Variants in USP32 observed in about 807,000 individuals in gnomAD.
The protein encoded by USP32 is ubiquitin specific peptidase 32.
USP32 carries 59 observed loss-of-function variants against 204.8 expected under a neutral mutation model. The ratio of observed to expected loss-of-function variants is 0.29; its 90% CI spans 0.23 to 0.36. USP32 has a LOEUF of 0.36. Ranked by LOEUF, USP32 falls within the 10% of genes least tolerant of loss-of-function variation. The pLI is 1.00. For missense variants in USP32, 1,160 were observed against 1,946.4 expected (o/e 0.60, Z 7.60); for synonymous variants, 517 against 678.4 (o/e 0.76, Z 3.70).
At chr17:60,379,923 T>TA (rs34849024) in intron 1 of USP32, among the ~76,000 whole-genome samples, 1 of 152,154 alleles carries the variant, frequency 6.6e-6, no homozygotes, top group African/African-American at 2.4e-5. Context: ...AATGTGGTTT[T>TA]AAAAAAAGGT....
At position 60,306,407 on chromosome 17, in the gene USP32, G is replaced by C. The variant is rs150958664; in HGVS notation, c.187-4703C>G. ...AATCCCAGCACTTTGGAAAGCCGAG[G>C]GGGGTGGATCATTTGAGGTCAGGAG... On this transcript the variant is annotated intron_variant, in intron 2 of 33. Coordinates refer to ENST00000300896, the MANE Select transcript of USP32 (RefSeq NM_032582.4). 6.3e-4 allele frequency among the ~76,000 whole-genome samples: 96 copies of C among 152,324 alleles called. No homozygotes were observed. In the Middle Eastern group the frequency reaches 0.037, roughly 59 times the overall value.
chr17:60,286,819 TAAAG>T (rs1184494014), intron 5 of USP32, among the ~76,000 whole-genome samples: 1 of 152,136 alleles, frequency 6.6e-6, no homozygotes, highest in Non-Finnish European at 1.5e-5. Flanking sequence ...ACAGGGGAAC[TAAAG>T]ACTCAATGCT....
At chr17:60,287,888 T>C (rs544331038) in intron 5 of USP32, among the ~76,000 whole-genome samples, 3 of 151,496 alleles carry the variant, frequency 2.0e-5, no homozygotes, top group East Asian at 3.9e-4. Context: ...CCGAGGCGTG[T>C]GGATCACGAG....
At chr17:60,361,618 C>T (rs1298323269) in intron 1 of USP32, among the ~76,000 whole-genome samples, 1 of 152,150 alleles carries the variant, frequency 6.6e-6, no homozygotes, top group African/African-American at 2.4e-5. Context: ...TTGTGCTTTT[C>T]CTAGCCTCTT....
intron 13 of USP32, among the ~76,000 whole-genome samples, chr17:60,224,042 C>T (rs768061653): frequency 2.0e-5 from 3 of 152,158 alleles, no homozygotes; most frequent in Non-Finnish European, 4.4e-5. Flanking sequence ...GGGCTAGATC[C>T]TATTGTATCT....
At chr17:60,306,511 G>A (rs1456562850) in intron 2 of USP32, among the ~76,000 whole-genome samples, 9 of 151,936 alleles carry the variant, frequency 5.9e-5, no homozygotes, top group Admixed American at 3.9e-4. Flanking sequence ...TGTGGTGGGC[G>A]CCTATAATCC....
intron 5 of USP32, among the ~76,000 whole-genome samples, chr17:60,286,412 T>A (rs971272130): frequency 1.3e-5 from 2 of 152,264 alleles, no homozygotes; most frequent in South Asian, 4.1e-4. Flanking sequence ...GAGAAGGCCA[T>A]GTGAAGACAG....
At chr17:60,252,710 G>A (rs2086199431) in intron 10 of USP32, among the ~76,000 whole-genome samples, 1 of 152,122 alleles carries the variant, frequency 6.6e-6, no homozygotes, top group Admixed American at 6.5e-5. Context: ...AGCGAAAGGG[G>A]AAGACATTAC....
rs539354821 is a variant in USP32 at position 60,179,815 on chromosome 17, T to G, written c.4642-387A>C. 2.3e-3 allele frequency among the ~76,000 whole-genome samples: 332 copies of G among 142,958 alleles called. 4 individuals carry two copies. Among genetic ancestry groups the G allele is most frequent in the African/African-American group, 8.1e-3 (313 of 38,498 alleles). 93.8% of individuals were successfully genotyped at this position (142,958 alleles called of 152,430 possible). ...CCTCCCGAGTAGCTGGGACTACAGG[T>G]GCGTGCCACCACGCCTGGCTAATTT... On this transcript the variant is annotated intron_variant, in intron 33 of 33. Transcript: ENST00000300896.
At chr17:60,314,911 C>G (rs1401930750) in intron 2 of USP32, among the ~76,000 whole-genome samples, 1 of 151,972 alleles carries the variant, frequency 6.6e-6, no homozygotes, top group Non-Finnish European at 1.5e-5. Flanking sequence ...CACAAGACAA[C>G]AGAAGAAACA....
At position 60,252,438 on chromosome 17, in the gene USP32, C is replaced by A; in HGVS notation, c.1079G>T (p.Cys360Phe). 1 of 1,607,190 alleles carries A rather than the reference C, an allele frequency of 6.2e-7. No homozygotes were observed. Among genetic ancestry groups the A allele is most frequent in the African/African-American group, 1.3e-5 (1 of 74,744 alleles). The change falls in exon 11 of 34, where the codon TGT (cysteine) becomes TTT (phenylalanine). Residue 360 changes from cysteine to phenylalanine, a missense_variant. Physicochemically the swap from Cys to Phe is radical, Grantham distance 205. Coordinates refer to ENST00000300896, the MANE Select transcript of USP32 (RefSeq NM_032582.4). ...TGGTCTTAACCCCAGAACTATGTGA[C>A]ACACCTAGGGAAAAAAATGGTAAAT... ...NEFLNLLFQV[C>F]HIVLGLRPAT...
intron 1 of USP32, among the ~76,000 whole-genome samples, chr17:60,385,367 G>A (rs1453559951): frequency 6.6e-6 from 1 of 152,120 alleles, no homozygotes; most frequent in African/African-American, 2.4e-5. Context: ...CTCACACAAA[G>A]TCTGTTTGGT....
intron 2 of USP32, among the ~76,000 whole-genome samples, chr17:60,307,394 C>A (rs954089090): frequency 1.6e-4 from 25 of 152,306 alleles, no homozygotes; most frequent in Non-Finnish European, 2.2e-4. Flanking sequence ...AGCCACCACA[C>A]CCAGCCAGAA....
chr17:60,321,068 A>G (rs1380153053), intron 2 of USP32, among the ~76,000 whole-genome samples: 1 of 152,190 alleles, frequency 6.6e-6, no homozygotes, highest in Non-Finnish European at 1.5e-5. Context: ...CTCTAACCAG[A>G]GGACTGAAAA....
Position 60,195,485 on chromosome 17 carries a change from G to A in USP32, c.3435-2555C>T, listed in dbSNP as rs147675052. On this transcript the variant is annotated intron_variant, in intron 27 of 33. Coordinates refer to ENST00000300896, the MANE Select transcript of USP32 (RefSeq NM_032582.4). ...CCCAAGTAGCTGGGATTACAGGCAC[G>A]TACCACCATGCCCGGCTAATTTTTG... Among the ~76,000 whole-genome samples, 682 of 152,184 alleles carry A rather than the reference G, an allele frequency of 4.5e-3. 9 individuals carry two copies. The highest frequency in any genetic ancestry group is 0.015 in the African/African-American group (624 of 41,540).
chr17:60,366,936 G>A (rs1223046755), intron 1 of USP32, among the ~76,000 whole-genome samples: 5 of 151,856 alleles, frequency 3.3e-5, no homozygotes, highest in Non-Finnish European at 4.4e-5. Context: ...CATTCTCCTC[G>A]TCTAAGCCTC....
chr17:60,363,973 A>G lies in USP32; in HGVS notation c.59-18365T>C, dbSNP rs374614024. On this transcript the variant is annotated intron_variant, in intron 1 of 33. Coordinates refer to ENST00000300896, the MANE Select transcript of USP32 (RefSeq NM_032582.4). ...TAATCAGTGATGATTCTCGTGCACT[A>G]TTATTCCCCCAAAACATGCTTAATC... Among the ~76,000 whole-genome samples the G allele has an allele frequency of 2.6e-5, 4 of 152,078 alleles. No individual in the cohort carries two copies. The East Asian group carries it at 5.8e-4, about 22-fold the overall frequency.
rs1379268518 is a variant in USP32 at position 60,329,476 on chromosome 17, A to AT, written c.186+16004dup. ...TTTATTATCATTATAATTTGTTTTT[A>AT]TTTATTTTTTTTTTTTGAGATGAGG... On this transcript the variant is annotated intron_variant, in intron 2 of 33. Coordinates refer to ENST00000300896, the MANE Select transcript of USP32 (RefSeq NM_032582.4). 1.5e-3 allele frequency among the ~76,000 whole-genome samples: 220 copies of AT among 149,160 alleles called. 2 individuals are homozygous for AT. Among genetic ancestry groups the AT allele is most frequent in the Non-Finnish European group, 2.6e-3 (177 of 67,478 alleles).
At chr17:60,274,845 A>G (rs73318807) in intron 5 of USP32, among the ~76,000 whole-genome samples, 6,749 of 152,196 alleles carry the variant, frequency 0.044, 541 homozygotes, top group African/African-American at 0.15. Flanking sequence ...AAACCTTTCA[A>G]TACTTCCCCA....
Sources: gnomAD v4.1 joint callset for allele counts (sites outside exome capture counted in the v4.1 genomes callset) on GRCh38, gnomAD v4.1.1 for gene constraint, MANE v1.5 for transcripts, NCBI Gene and HGNC (gene_info 2026-07-23, HGNC 2026-07-21) for gene names.